The following SARS2 variants were observed in gnomAD, a reference collection of about 807,000 sequenced individuals.
SARS2 encodes the protein seryl-tRNA synthetase 2, mitochondrial, also known as serine--tRNA ligase, mitochondrial.
In SARS2, 52 loss-of-function variants were observed where a neutral mutation model predicts 66.8. The observed-to-expected ratio is 0.78, with a 90% CI of 0.62 to 0.98. The LOEUF is 0.98. SARS2 is among the 50% of genes least tolerant of loss of function. The pLI is 0.00. For missense variants in SARS2, 673 were observed against 706.3 expected (o/e 0.95, Z 0.53); for synonymous variants, 306 against 281.4 (o/e 1.09, Z -0.87).
chr19:38,926,958 A>G (rs1026181282), intron 1 of SARS2, among the ~76,000 whole-genome samples: 4 of 143,192 alleles, frequency 2.8e-5, no homozygotes, highest in African/African-American at 1.0e-4. Context: ...TTTTTCTGAG[A>G]CAGAGTCTCA....
rs1055929092 is a variant in SARS2, at chr19:38,915,764, G to C, written c.1414-15C>G. The C allele has an allele frequency of 6.2e-7, 1 of 1,613,006 alleles. No homozygotes were observed. The highest frequency in any genetic ancestry group is 1.3e-5 in the African/African-American group (1 of 74,942). ...ACTGAGCCGTCCTGGGGACAGAGCA[G>C]ACCTCAGGACACTGCAGATGCCCCA... On this transcript the variant is annotated splice_polypyrimidine_tract_variant and intron_variant, in intron 15 of 15. Transcript: ENST00000221431.
chr19:38,916,364 G>T, intron 12 of SARS2, 50 bp from the exon 13 acceptor site: 1 of 1,527,040 alleles, frequency 6.5e-7, no homozygotes, highest in Non-Finnish European at 9.1e-7. Context: ...GAGAGGAGGA[G>T]CAAGAGGAAC....
At chr19:38,915,953 C>T (rs778941858) in intron 14 of SARS2, 47 bp from the exon 15 acceptor site, 2 of 1,612,894 alleles carry the variant, frequency 1.2e-6, no homozygotes, top group African/African-American at 1.3e-5. Context: ...CAAGCTGAGC[C>T]CGGGGAGGAG....
Position 38,930,445 on chromosome 19 carries a change from C to A in SARS2, c.267+25G>T, listed in dbSNP as rs757162507. 3 of 1,580,488 alleles carry A rather than the reference C, an allele frequency of 1.9e-6. No homozygotes were observed. In the Middle Eastern group the frequency reaches 5.1e-4, roughly 267 times the overall value. ...CTTCCGTAAAGCAAACGTCTGCGCC[C>A]CCCGGCCGGCGCAGGCGCACTCACG... is the stretch of plus-strand genomic sequence containing the variant. On this transcript the variant is annotated intron_variant, in intron 1 of 15. Transcript: ENST00000221431.
chr19:38,927,732 T>G (rs891616844), intron 1 of SARS2, among the ~76,000 whole-genome samples: 14 of 152,086 alleles, frequency 9.2e-5, no homozygotes, highest in African/African-American at 3.4e-4. Context: ...TTCTGTTTTG[T>G]TTTTAATAAT....
At chr19:38,919,149 T>C (rs1011308048) in intron 7 of SARS2, among the ~76,000 whole-genome samples, 37 of 150,368 alleles carry the variant, frequency 2.5e-4, no homozygotes, top group Admixed American at 5.3e-4. Context: ...TTAGCCAGCA[T>C]GGTGGCATGT....
At chr19:38,921,878 T>G (rs749767497) in intron 3 of SARS2, 60 of 1,357,154 alleles carry the variant, frequency 4.4e-5, no homozygotes, top group Admixed American at 2.6e-4. Flanking sequence ...GAACGTTCTA[T>G]TGCCTTGGCC....
intron 5 of SARS2, 151 bp downstream of exon 5, chr19:38,921,241 G>A (rs1974528904): frequency 6.3e-6 from 5 of 795,206 alleles, no homozygotes; most frequent in Admixed American, 2.1e-5. Flanking sequence ...GCTCGAGCTC[G>A]GCCAAGGCAG....
chr19:38,929,786 G>C lies in SARS2; in HGVS notation c.267+684C>G, dbSNP rs957955927. 7.9e-5 allele frequency among the ~76,000 whole-genome samples: 12 copies of C among 152,308 alleles called. No homozygotes were observed. In the South Asian group the frequency reaches 2.3e-3, roughly 29 times the overall value. ...AAGCACTTCAAACAGGCTGGGAGGG[G>C]AGTCCAAGAGAGGAATGGGAAGACG... On this transcript the variant is annotated intron_variant, in intron 1 of 15. Coordinates refer to ENST00000221431, the MANE Select transcript of SARS2 (RefSeq NM_017827.4).
chr19:38,915,742 G>C lies in SARS2; in HGVS notation c.1421C>G (p.Ser474Ter), dbSNP rs777885198. ...CTGGAGGGCAGGGGGCACGAGCACT[G>C]AGCCGTCCTGGGGACAGAGCAGACC... ...LLESNQQKDGSVLVPPALQSY... is the reference protein window; with the variant it reads ...LLESNQQKDG The change falls in exon 16 of 16, where the codon TCA becomes TGA. Residue 474 changes from serine (S) to a stop codon, truncating the protein, a stop_gained. Coordinates refer to ENST00000221431, the MANE Select transcript of SARS2 (RefSeq NM_017827.4). LOFTEE classifies it high-confidence loss of function. The C allele has an allele frequency of 3.7e-6, 6 of 1,613,284 alleles. No homozygotes were observed. The highest frequency in any genetic ancestry group is 5.1e-6 in the Non-Finnish European group (6 of 1,179,868).
Position 38,921,413 on chromosome 19 carries a change from G to A in SARS2, c.568C>T (p.His190Tyr). The A allele has an allele frequency of 6.2e-7, 1 of 1,613,770 alleles. No homozygotes were observed. The highest frequency in any genetic ancestry group is 2.2e-5 in the East Asian group (1 of 44,878). Reference protein sequence around the residue: ...VGDESQARVLHMVGDKPVFSF... With the variant: ...VGDESQARVLYMVGDKPVFSF... ...CCACCTGGCTTGTCTCCGACCATGT[G>A]GAGCACTCGAGCCTGGCTCTCATCC... The change falls in exon 5 of 16, where the codon CAC becomes TAC. Residue 190 changes from histidine to tyrosine, a missense_variant. Transcript: ENST00000221431.
Position 38,915,643 on chromosome 19 carries a change from C to T in SARS2, c.1520G>A (p.Arg507Gln), listed in dbSNP as rs779480806. ...PLQYIGPNQP[R>Q]KPGLPGQPAV... ...AGGCTGGCCAGGCAGCCCAGGCTTCCGGGGCTGGTTGGGGCCGATGTACTG... is the reference window on the plus strand; with the variant it reads ...AGGCTGGCCAGGCAGCCCAGGCTTCTGGGGCTGGTTGGGGCCGATGTACTG... The change falls in exon 16 of 16, where the codon CGG becomes CAG. Residue 507 changes from arginine (R) to glutamine (Q), a missense_variant. Coordinates refer to ENST00000221431, the MANE Select transcript of SARS2 (RefSeq NM_017827.4). 121 of 1,613,016 alleles carry T rather than the reference C, an allele frequency of 7.5e-5. No homozygotes were observed. Among genetic ancestry groups the T allele is most frequent in the Non-Finnish European group, 9.4e-5 (111 of 1,179,796 alleles).
chr19:38,930,724 T>G lies in SARS2; in HGVS notation c.13A>C (p.Met5Leu). The G allele has an allele frequency of 1.2e-6, 2 of 1,613,494 alleles. No homozygotes were observed. The highest frequency in any genetic ancestry group is 1.7e-6 in the Non-Finnish European group (2 of 1,180,016). Residue 5 changes from methionine (M) to leucine (L), a missense_variant, in exon 1 of 16, where the codon ATG (methionine) becomes CTG (leucine). Met to Leu is a conservative substitution (Grantham distance 15). Transcript: ENST00000221431. Reference protein sequence around the residue: MAASMARRLWPLLTR... With the variant: MAASLARRLWPLLTR... Reference sequence around the variant, plus strand: ...AGCAAAGGCCACAAGCGCCGCGCCATGGACGCAGCCATCTTGGACCGGGAA... The same window carrying G: ...AGCAAAGGCCACAAGCGCCGCGCCAGGGACGCAGCCATCTTGGACCGGGAA...
intron 3 of SARS2, chr19:38,922,037 C>A (rs565848512): frequency 2.6e-6 from 4 of 1,554,680 alleles, no homozygotes; most frequent in East Asian, 4.9e-5. Context: ...ATGGGAGGAA[C>A]GTAGGACCAA....
chr19:38,930,246 T>C, intron 1 of SARS2: 2 of 595,712 alleles, frequency 3.4e-6, no homozygotes, highest in Admixed American at 6.2e-5. Flanking sequence ...AACAAGCGCA[T>C]AATGGGTGTC....
At position 38,916,267 on chromosome 19, in the gene SARS2, T is replaced by C. The variant is rs201094857; in HGVS notation, c.1208A>G (p.Lys403Arg). 3.1e-6 allele frequency: 5 copies of C among 1,613,812 alleles called. No individual in the cohort carries two copies. The highest frequency in any genetic ancestry group is 4.2e-6 in the Non-Finnish European group (5 of 1,179,950). Reference protein sequence around the residue: ...TQELGLPAYRKFDIEAWMPGR... With the variant: ...TQELGLPAYRRFDIEAWMPGR... ...TGGCATCCAGGCCTCAATGTCAAAC[T>C]TGCGGTAGGCGGGGAGGCCCAGTTC... Residue 403 changes from lysine to arginine, a missense_variant, in exon 13 of 16, where the codon AAG (lysine) becomes AGG (arginine). Transcript: ENST00000221431.
Position 38,915,373 on chromosome 19 carries a change from AGCCCAGAC to A in SARS2, c.*225_*232del, listed in dbSNP as rs542688500. On this transcript the variant is annotated 3_prime_UTR_variant, in exon 16 of 16. Transcript: ENST00000221431. ...GCTTCTCCTGTCCCTAGAACCGTAA[AGCCCAGAC>A]GTCCTGCTTCCCACTGGGACCCTCA... The A allele has an allele frequency of 1.3e-3, 778 of 584,894 alleles. 17 individuals carry two copies. In the South Asian group the frequency reaches 0.016, roughly 12 times the overall value. The allele number at this position is 584,894 out of a possible 1,614,324, so 36.2% of individuals were successfully genotyped here. A position where few individuals can be genotyped will look rare whatever the true frequency, so the allele number is the denominator to read the frequency against.
At chr19:38,916,799 A>G (rs1041131067) in intron 12 of SARS2, among the ~76,000 whole-genome samples, 2 of 151,210 alleles carry the variant, frequency 1.3e-5, no homozygotes, top group Non-Finnish European at 2.9e-5. Context: ...AGTAGATGGG[A>G]TTACAGGTGT....
At chr19:38,920,878 CACACAG>C (rs1346880494) in intron 5 of SARS2, among the ~76,000 whole-genome samples, 3 of 151,588 alleles carry the variant, frequency 2.0e-5, no homozygotes, top group African/African-American at 7.3e-5. Flanking sequence ...TACATAGACA[CACACAG>C]ACACACACAC....
Sources: gnomAD v4.1 joint callset for allele counts (sites outside exome capture counted in the v4.1 genomes callset) on GRCh38, gnomAD v4.1.1 for gene constraint, MANE v1.5 for transcripts, NCBI Gene and HGNC (gene_info 2026-07-23, HGNC 2026-07-21) for gene names.